KAZN: variants seen among roughly 807,000 people sequenced by gnomAD.
KAZN encodes the protein kazrin.
KAZN carries 40 observed loss-of-function variants against 87.4 expected under a neutral mutation model. That is an observed-to-expected ratio of 0.46 (90% CI 0.36 to 0.60). The LOEUF (loss-of-function observed/expected upper bound fraction) is 0.60. Ranked by LOEUF, KAZN falls within the 20% of genes least tolerant of loss-of-function variation. The pLI is 0.00. For synonymous variants in KAZN, 466 were observed against 458.3 expected, an observed-to-expected ratio of 1.02 and a Z score of -0.22; for missense variants, 898 against 1,073.9, an observed-to-expected ratio of 0.84 and a Z score of 2.29.
At chr1:14,818,124 A>T (rs1274754447) in intron 1 of KAZN, among the ~76,000 whole-genome samples, 1 of 152,132 alleles carries the variant, frequency 6.6e-6, no homozygotes, top group Non-Finnish European at 1.5e-5. Context: ...GCCTCACCTT[A>T]ATTGCTGCTG....
At chr1:14,132,259 T>C (rs566437610) in intron 1 of KAZN, among the ~76,000 whole-genome samples, 18 of 152,244 alleles carry the variant, frequency 1.2e-4, no homozygotes, top group African/African-American at 4.3e-4. Context: ...CTCCCCACTC[T>C]GGGCTGAATT....
At chr1:14,670,336 G>A (rs1358473933) in intron 1 of KAZN, among the ~76,000 whole-genome samples, 2 of 152,094 alleles carry the variant, frequency 1.3e-5, no homozygotes, top group Non-Finnish European at 2.9e-5. Context: ...GAGGCACCTG[G>A]AAGCCTCGTT....
At chr1:14,107,887 C>T (rs1006347760) in intron 1 of KAZN, among the ~76,000 whole-genome samples, 6 of 152,186 alleles carry the variant, frequency 3.9e-5, no homozygotes, top group Non-Finnish European at 8.8e-5. Context: ...ACCTGGCCCA[C>T]CTTGTCACAC....
At position 15,096,072 on chromosome 1, in the gene KAZN, C is replaced by A. The variant is rs776788338; in HGVS notation, c.1547+1139C>A. 6.6e-6 allele frequency among the ~76,000 whole-genome samples: 1 copy of A among 152,158 alleles called. No individual in the cohort carries two copies. The highest frequency in any genetic ancestry group is 1.5e-5 in the Non-Finnish European group (1 of 68,036). On this transcript the variant is annotated intron_variant, in intron 10 of 14. Transcript: ENST00000376030. The surrounding 1 kb of genome is among the most constrained non-coding windows in gnomAD (Gnocchi z 4.5). ...TCCTGAGGGTCCCAAAAACACCTTA[C>A]ACCCAGCACCCACCTCCTAACCAGT...
intron 1 of KAZN, among the ~76,000 whole-genome samples, chr1:14,618,806 A>T (rs1378047281): frequency 2.0e-5 from 3 of 152,224 alleles, no homozygotes; most frequent in Non-Finnish European, 4.4e-5. Flanking sequence ...TAGTATGTGC[A>T]AGGTATGTAA....
intron 2 of KAZN, among the ~76,000 whole-genome samples, chr1:14,539,602 A>G (rs890109088): frequency 3.9e-5 from 6 of 152,326 alleles, no homozygotes; most frequent in African/African-American, 1.4e-4. Context: ...AAGAATTAAG[A>G]GACGACTTTA....
intron 2 of KAZN, among the ~76,000 whole-genome samples, chr1:14,319,017 T>C: frequency 4.5e-5 from 1 of 22,286 alleles, no homozygotes; most frequent in South Asian, 9.3e-4. Context: ...TATTTTTATT[T>C]ATTTATTTAT....
chr1:14,779,925 AATT>A (rs1645283327), intron 1 of KAZN, among the ~76,000 whole-genome samples: 1 of 152,216 alleles, frequency 6.6e-6, no homozygotes, highest in Non-Finnish European at 1.5e-5. Context: ...TGCTGATGCT[AATT>A]GCAGTGTACC....
At chr1:14,005,327 C>G (rs967639199) in intron 1 of KAZN, among the ~76,000 whole-genome samples, 4 of 152,002 alleles carry the variant, frequency 2.6e-5, no homozygotes, top group African/African-American at 9.7e-5. Context: ...GAAGGAAAAC[C>G]AAGAGGACTT....
intron 2 of KAZN, among the ~76,000 whole-genome samples, chr1:14,298,344 C>T (rs1654283550): frequency 6.6e-6 from 1 of 152,188 alleles, no homozygotes; most frequent in Non-Finnish European, 1.5e-5. Context: ...CATGAAATCA[C>T]CCCTGTGTTC....
intron 2 of KAZN, among the ~76,000 whole-genome samples, chr1:14,359,250 T>C (rs933869741): frequency 3.9e-5 from 6 of 152,088 alleles, no homozygotes; most frequent in African/African-American, 1.4e-4. Context: ...GCCCTGCTTT[T>C]TTTTTCTTTT....
chr1:14,308,036 A>G (rs1249804417), intron 2 of KAZN, among the ~76,000 whole-genome samples: 1 of 152,214 alleles, frequency 6.6e-6, no homozygotes, highest in Non-Finnish European at 1.5e-5. Flanking sequence ...AACATTAAGA[A>G]CATGTCACAG....
At chr1:14,446,444 G>T (rs890566891) in intron 2 of KAZN, among the ~76,000 whole-genome samples, 3 of 152,074 alleles carry the variant, frequency 2.0e-5, no homozygotes, top group Non-Finnish European at 4.4e-5. Context: ...AAATATCTTG[G>T]TTTTAGCCTC....
intron 2 of KAZN, among the ~76,000 whole-genome samples, chr1:14,380,142 G>A (rs1022167708): frequency 9.9e-5 from 15 of 152,214 alleles, no homozygotes; most frequent in African/African-American, 3.6e-4. Context: ...CTGTGAGGCT[G>A]CAAGAAGCAC....
chr1:15,045,007 C>T (rs1026034523), intron 4 of KAZN, among the ~76,000 whole-genome samples: 4 of 152,180 alleles, frequency 2.6e-5, no homozygotes, highest in South Asian at 2.1e-4. Flanking sequence ...CCAGGAGATG[C>T]GTACCCTTTG....
intron 1 of KAZN, among the ~76,000 whole-genome samples, chr1:13,941,232 T>C (rs560221753): frequency 1.3e-5 from 2 of 150,406 alleles, no homozygotes; most frequent in East Asian, 3.9e-4. Flanking sequence ...TAAAAAGGAG[T>C]AGGGGGGAAT....
chr1:14,346,293 G>C (rs578016229), intron 2 of KAZN, among the ~76,000 whole-genome samples: 21 of 152,288 alleles, frequency 1.4e-4, no homozygotes, highest in Non-Finnish European at 2.4e-4. Flanking sequence ...GCTCTTCAAG[G>C]ACACAAGGCG....
At position 14,115,304 on chromosome 1, in the gene KAZN, C is replaced by T. The variant is rs533446744; in HGVS notation, c.92-65131C>T. Among the ~76,000 whole-genome samples, 311 of 152,314 alleles carry T rather than the reference C, an allele frequency of 2.0e-3. 1 individual carries two copies. The highest frequency in any genetic ancestry group is 7.3e-3 in the African/African-American group (302 of 41,566). On this transcript the variant is annotated intron_variant, in intron 1 of 16. Coordinates refer to the KAZN transcript ENST00000636203. ...TGACCTCATCTAACCCTAATTACCT[C>T]CTGATATGGTTTGGCTGTGCCCCCA...
chr1:14,369,801 TA>T (rs1660320584), intron 2 of KAZN, among the ~76,000 whole-genome samples: 1 of 152,214 alleles, frequency 6.6e-6, no homozygotes, highest in African/African-American at 2.4e-5. Context: ...TGCTTTCAGG[TA>T]TGCATTCCAC....
Sources: allele counts gnomAD v4.1 joint callset (sites outside exome capture counted in the v4.1 genomes callset), GRCh38; gene constraint gnomAD v4.1.1; non-coding constraint Gnocchi (gnomAD v3.1); transcripts MANE v1.5; gene names NCBI Gene and HGNC (gene_info 2026-07-23, HGNC 2026-07-21).